Variants in SYNGR4 observed in about 807,000 individuals in gnomAD.
SYNGR4 encodes synaptogyrin-4.
In SYNGR4, 15 loss-of-function variants were observed where a neutral mutation model predicts 15.5. The ratio of observed to expected loss-of-function variants is 0.97; its 90% CI spans 0.65 to 1.49. The LOEUF is 1.49. Among genes scored for constraint, SYNGR4 ranks in the 40% most tolerant of loss-of-function variants. The probability of loss-of-function intolerance (pLI) is 0.00; values close to 1 mark genes in which losing one functional copy is unlikely to be tolerated. For synonymous variants in SYNGR4, 121 were observed against 127.4 expected, an observed-to-expected ratio of 0.95 and a Z score of 0.34; for missense variants, 292 against 299.3, an observed-to-expected ratio of 0.98 and a Z score of 0.18.
intron 2 of SYNGR4, among the ~76,000 whole-genome samples, chr19:48,367,248 C>T (rs968107120): frequency 5.3e-5 from 8 of 151,572 alleles, no homozygotes; most frequent in Non-Finnish European, 1.2e-4. Context: ...CTGGCTAACA[C>T]GGTGAAACCC....
At chr19:48,373,462 G>C in intron 2 of SYNGR4, 55 bp from the exon 3 acceptor site, 5 of 1,479,352 alleles carry the variant, frequency 3.4e-6, no homozygotes, top group Non-Finnish European at 4.7e-6. Flanking sequence ...AGGGAGGAAG[G>C]AGGAGCAGCT....
intron 2 of SYNGR4, among the ~76,000 whole-genome samples, chr19:48,368,596 T>C (rs756000925): frequency 1.3e-5 from 2 of 152,252 alleles, no homozygotes; most frequent in Non-Finnish European, 2.9e-5. Flanking sequence ...GCCAGACTGG[T>C]CTTAAACTCC....
chr19:48,368,083 C>T (rs751457258), intron 2 of SYNGR4, among the ~76,000 whole-genome samples: 19 of 152,312 alleles, frequency 1.2e-4, no homozygotes, highest in Non-Finnish European at 2.1e-4. Flanking sequence ...ACGTGCTGTC[C>T]ATGCAAAGTG....
Position 48,367,357 on chromosome 19 carries a change from C to T in SYNGR4, c.93+1422C>T, listed in dbSNP as rs552428865. Among the ~76,000 whole-genome samples the T allele has an allele frequency of 5.3e-5, 8 of 150,518 alleles. No individual in the cohort carries two copies. The South Asian group carries it at 6.3e-4, about 12-fold the overall frequency. Reference sequence around the variant, plus strand: ...CTGAGGCAGGAGAATGGCGTGAACCCGGGAGGTGGAGCTTGCAGTGAGCCG... The same window carrying T: ...CTGAGGCAGGAGAATGGCGTGAACCTGGGAGGTGGAGCTTGCAGTGAGCCG... On this transcript the variant is annotated intron_variant, in intron 2 of 4. Transcript: ENST00000344846.
In SYNGR4 at chr19:48,365,735, G is replaced by A; in HGVS notation, c.-107-1G>A. On this transcript the variant is annotated splice_acceptor_variant, in intron 1 of 4. Transcript: ENST00000344846. LOFTEE classifies it low-confidence loss of function (5UTR_SPLICE). ...CATCCCCCATCTGTGTCATCCCACA[G>A]CAGCCAAGCCCAGGGCTGGCCTGAA... The A allele has an allele frequency of 1.0e-6, 1 of 1,001,760 alleles. No individual in the cohort carries two copies. The allele number at this position is 1,001,760 out of a possible 1,614,324, so 62.1% of individuals were successfully genotyped here.
intron 3 of SYNGR4, among the ~76,000 whole-genome samples, chr19:48,374,287 G>T (rs1970365804): frequency 6.6e-6 from 1 of 152,042 alleles, no homozygotes; most frequent in Non-Finnish European, 1.5e-5. Context: ...CAGTGTGTTA[G>T]CCAGGATGGT....
chr19:48,365,767 G>A lies in SYNGR4; in HGVS notation c.-76G>A, dbSNP rs539048832. On this transcript the variant is annotated 5_prime_UTR_variant, in exon 2 of 5. Coordinates refer to ENST00000344846, the MANE Select transcript of SYNGR4 (RefSeq NM_012451.4). ...AGCCCAGGGCTGGCCTGAAGCCCCC[G>A]GACGGCAGTGCCCAGCAGGCAGCGC... The A allele has an allele frequency of 2.9e-5, 43 of 1,465,658 alleles. No individual in the cohort carries two copies. Among genetic ancestry groups the A allele is most frequent in the Admixed American group, 2.4e-4 (14 of 57,412 alleles). The allele number at this position is 1,465,658 out of a possible 1,614,324, so 90.8% of individuals were successfully genotyped here. A position where few individuals can be genotyped will look rare whatever the true frequency, so the allele number is the denominator to read the frequency against.
chr19:48,367,045 T>A lies in SYNGR4; in HGVS notation c.93+1110T>A, dbSNP rs933693530. The stretch of plus-strand genomic sequence containing the variant: ...GGCGCAAGCCTGTAGTCCCAGTTAC[T>A]TAGGGGGCTGAGGCTCAAGGATGGC... On this transcript the variant is annotated intron_variant, in intron 2 of 4. Coordinates refer to ENST00000344846, the MANE Select transcript of SYNGR4 (RefSeq NM_012451.4). Among the ~76,000 whole-genome samples the A allele has an allele frequency of 4.0e-5, 6 of 151,570 alleles. No individual in the cohort carries two copies. In the South Asian group the frequency reaches 6.3e-4, roughly 16 times the overall value.
chr19:48,369,539 C>G (rs894901266), intron 2 of SYNGR4, among the ~76,000 whole-genome samples: 5 of 152,184 alleles, frequency 3.3e-5, no homozygotes, highest in Non-Finnish European at 7.3e-5. Context: ...AGCCAAGCCC[C>G]TACCCCCACA....
chr19:48,373,375 C>G, intron 2 of SYNGR4, 142 bp from the exon 3 acceptor site: 1 of 729,936 alleles, frequency 1.4e-6, no homozygotes, highest in Non-Finnish European at 2.4e-6. Flanking sequence ...GCTGAGGGCT[C>G]TGACACTGTG....
intron 2 of SYNGR4, chr19:48,373,059 G>T (rs1316850358): frequency 1.2e-5 from 2 of 170,672 alleles, no homozygotes; most frequent in African/African-American, 2.4e-5. Flanking sequence ...GGTGGCAGAA[G>T]GAGAGTGTGG....
intron 2 of SYNGR4, among the ~76,000 whole-genome samples, chr19:48,371,642 A>G (rs544820407): frequency 1.3e-4 from 20 of 151,738 alleles, no homozygotes; most frequent in African/African-American, 4.6e-4. Context: ...CAGTGGCACA[A>G]TCAGGGCTTA....
rs919804 is a variant in SYNGR4, at chr19:48,365,921, C to T, written c.79C>T (p.Arg27Trp). The change falls in exon 2 of 5, where the codon CGG (arginine) becomes TGG (tryptophan). Residue 27 changes from arginine (R) to tryptophan (W), a missense_variant. Coordinates refer to ENST00000344846, the MANE Select transcript of SYNGR4 (RefSeq NM_012451.4). ...TCTGAGAAGGCCCAAGACCATCACG[C>T]GGGTCTTCGAAGGGGTGAGGCCCTC... ...QFLRRPKTIT[R>W]VFEGVFSLIV... The T allele has an allele frequency of 0.05, 81,020 of 1,613,550 alleles. 2,366 individuals carry two copies. Among genetic ancestry groups the T allele is most frequent in the East Asian group, 0.11 (5,009 of 44,864 alleles).
At chr19:48,372,156 A>G (rs1452151160) in intron 2 of SYNGR4, among the ~76,000 whole-genome samples, 1 of 152,056 alleles carries the variant, frequency 6.6e-6, no homozygotes, top group Non-Finnish European at 1.5e-5. Context: ...AAGTGCTGGA[A>G]TTACAGTCAT....
intron 2 of SYNGR4, 200 bp from the exon 3 acceptor site, chr19:48,373,317 C>T: frequency 1.7e-6 from 1 of 593,230 alleles, no homozygotes; most frequent in Admixed American, 2.9e-5. Flanking sequence ...CCAAGGAGAG[C>T]AGACGAGGCC....
intron 2 of SYNGR4, among the ~76,000 whole-genome samples, chr19:48,370,375 C>G (rs998846763): frequency 1.3e-5 from 2 of 151,898 alleles, no homozygotes; most frequent in Admixed American, 6.6e-5. Context: ...CCCAGCTACT[C>G]AGGAGGCTGA....
At chr19:48,373,825 C>T in intron 3 of SYNGR4, 71 bp downstream of exon 3, 1 of 1,490,392 alleles carries the variant, frequency 6.7e-7, no homozygotes, top group Non-Finnish European at 9.3e-7. Flanking sequence ...TCCCCAGGGC[C>T]TCCCGGGCAC....
At chr19:48,366,344 C>A (rs189378143) in intron 2 of SYNGR4, among the ~76,000 whole-genome samples, 1 of 148,230 alleles carries the variant, frequency 6.7e-6, no homozygotes, top group Admixed American at 6.7e-5. Context: ...GAGTGGAGAT[C>A]ATACCACTGC....
At chr19:48,365,674 C>T (rs1438398627) in intron 1 of SYNGR4, 62 bp from the exon 2 acceptor site, 3 of 273,040 alleles carry the variant, frequency 1.1e-5, no homozygotes, top group African/African-American at 2.9e-5. Context: ...AATCCTGGGG[C>T]CCCCAACAGC....
Sources: allele counts gnomAD v4.1 joint callset (sites outside exome capture counted in the v4.1 genomes callset), GRCh38; gene constraint gnomAD v4.1.1; transcripts MANE v1.5; gene names NCBI Gene and HGNC (gene_info 2026-07-23, HGNC 2026-07-21).